The following FURIN variants were observed in gnomAD, a reference collection of about 807,000 sequenced individuals.
The protein encoded by FURIN is FES upstream region.
Under a neutral mutation model 89.2 loss-of-function variants are expected in FURIN, and 18 were observed. That is an observed-to-expected ratio of 0.20 (90% CI 0.14 to 0.30). FURIN has a LOEUF of 0.30. FURIN is among the 10% of genes least tolerant of loss of function. The pLI is 1.00. For synonymous variants in FURIN, 508 were observed against 466.4 expected, an observed-to-expected ratio of 1.09 and a Z score of -1.15; for missense variants, 879 against 1,100.5, an observed-to-expected ratio of 0.80 and a Z score of 2.85.
Position 90,878,883 on chromosome 15 carries a change from C to T in FURIN, c.960C>T (p.Ala320=). 1 of 1,613,140 alleles carries T rather than the reference C, an allele frequency of 6.2e-7. No homozygotes were observed. Among genetic ancestry groups the T allele is most frequent in the Non-Finnish European group, 8.5e-7 (1 of 1,179,810 alleles). Residue 320 remains alanine (A), a synonymous_variant, in exon 9 of 16, where the codon GCC becomes GCT. Transcript: ENST00000268171. The part of the protein sequence containing the change: ...NSIYTLSISS[A]TQFGNVPWYS... Reference sequence around the variant, plus strand: ...TCTACACGCTGTCCATCAGCAGCGCCACGCAGTTTGGCAACGTGCCGTGGT... The same window carrying T: ...TCTACACGCTGTCCATCAGCAGCGCTACGCAGTTTGGCAACGTGCCGTGGT...
At chr15:90,874,233 C>T (rs979349423) in intron 1 of FURIN, among the ~76,000 whole-genome samples, 6 of 152,344 alleles carry the variant, frequency 3.9e-5, no homozygotes, top group South Asian at 2.1e-4. Context: ...AGAGAGGTCC[C>T]GCCGTCTGTT....
In FURIN at chr15:90,879,972, T is replaced by C. The variant is rs775829222; in HGVS notation, c.1364T>C (p.Leu455Pro). Residue 455 changes from leucine to proline, a missense_variant, in exon 12 of 16, where the codon CTC becomes CCC. Coordinates refer to ENST00000268171, the MANE Select transcript of FURIN (RefSeq NM_002569.4). ...APQRKCIIDILTEPKDIGKRL... is the reference protein window; with the variant it reads ...APQRKCIIDIPTEPKDIGKRL... ...CAGCGGAAGTGCATCATCGACATCCTCACCGAGCCCAAGTGAGGGCTGGAC... is the reference window on the plus strand; with the variant it reads ...CAGCGGAAGTGCATCATCGACATCCCCACCGAGCCCAAGTGAGGGCTGGAC... 2 of 1,612,598 alleles carry C rather than the reference T, an allele frequency of 1.2e-6. No homozygotes were observed. Among genetic ancestry groups the C allele is most frequent in the Non-Finnish European group, 8.5e-7 (1 of 1,179,580 alleles).
At chr15:90,871,921 G>A (rs1195288889) in intron 1 of FURIN, among the ~76,000 whole-genome samples, 1 of 151,388 alleles carries the variant, frequency 6.6e-6, no homozygotes, top group East Asian at 2.0e-4. Flanking sequence ...CCCGGCCGTG[G>A]CTGGTACTTT....
chr15:90,876,635 G>A lies in FURIN; in HGVS notation c.372+78G>A. 9.9e-7 allele frequency: 1 copy of A among 1,011,382 alleles called. No homozygotes were observed. The highest frequency in any genetic ancestry group is 1.6e-6 in the Non-Finnish European group (1 of 644,198). 62.7% of individuals were successfully genotyped at this position (1,011,382 alleles called of 1,614,324 possible). ...CACTATGAGCTCTTGGATGGAGGAG[G>A]CTGTCTTCGAGGCCTCCTCTGATTC... is the stretch of plus-strand genomic sequence containing the variant. On this transcript the variant is annotated intron_variant, in intron 4 of 15. Coordinates refer to ENST00000268171, the MANE Select transcript of FURIN (RefSeq NM_002569.4). This position sits in a 1 kb window ranked among gnomAD's most constrained non-coding sequence, Gnocchi z 5.0.
chr15:90,872,268 C>T (rs1254088864), intron 1 of FURIN, among the ~76,000 whole-genome samples: 2 of 152,110 alleles, frequency 1.3e-5, no homozygotes, highest in Non-Finnish European at 2.9e-5. Flanking sequence ...TGGCCGAGGC[C>T]CCTGTGCCCC....
rs1381034451 is a variant in FURIN at position 90,881,868 on chromosome 15, G to T, written c.2375G>T (p.Ser792Ile). Reference protein sequence around the residue: ...GERTAFIKDQSAL With the variant: ...GERTAFIKDQIAL ...AGGACCGCCTTTATCAAAGACCAGA[G>T]CGCCCTCTGATGAGCCCACTGCCCA... The change falls in exon 16 of 16, where the codon AGC becomes ATC. Residue 792 changes from serine (S) to isoleucine (I), a missense_variant. Coordinates refer to ENST00000268171, the MANE Select transcript of FURIN (RefSeq NM_002569.4). This position sits in a 1 kb window ranked among gnomAD's most constrained non-coding sequence, Gnocchi z 4.3. 1 of 1,610,994 alleles carries T rather than the reference G, an allele frequency of 6.2e-7. No individual in the cohort carries two copies. Among genetic ancestry groups the T allele is most frequent in the Admixed American group, 1.7e-5 (1 of 59,832 alleles).
chr15:90,878,334 G>A (rs2031752541), intron 8 of FURIN, 30 bp downstream of exon 8: 9 of 1,534,270 alleles, frequency 5.9e-6, no homozygotes, highest in Non-Finnish European at 7.9e-6. Flanking sequence ...AGCCCCTGCG[G>A]GCAGGTTGGG....
At chr15:90,872,060 GC>G (rs1483302054) in intron 1 of FURIN, among the ~76,000 whole-genome samples, 10 of 151,476 alleles carry the variant, frequency 6.6e-5, no homozygotes, top group Non-Finnish European at 1.5e-4. Flanking sequence ...CGGGGCTGCC[GC>G]CGGCTCGCCC....
Position 90,881,257 on chromosome 15 carries a change from C to T in FURIN, c.1793-29C>T. The stretch of plus-strand genomic sequence containing the variant: ...GGGGCTACAGTCTGTTTAGCTGACA[C>T]ACACTTGCCCTCTCTCCCACGCCGG... On this transcript the variant is annotated intron_variant, in intron 15 of 15. Transcript: ENST00000268171. The surrounding 1 kb of genome is among the most constrained non-coding windows in gnomAD (Gnocchi z 4.3). 1 of 1,522,110 alleles carries T rather than the reference C, an allele frequency of 6.6e-7. No individual in the cohort carries two copies. Among genetic ancestry groups the T allele is most frequent in the Admixed American group, 1.8e-5 (1 of 55,230 alleles). 94.3% of individuals were successfully genotyped at this position (1,522,110 alleles called of 1,614,324 possible). A position where few individuals can be genotyped will look rare whatever the true frequency, so the allele number is the denominator to read the frequency against.
intron 13 of FURIN, 22 bp downstream of exon 13, chr15:90,880,295 G>C (rs555129391): frequency 6.4e-7 from 1 of 1,571,280 alleles, no homozygotes; most frequent in East Asian, 2.3e-5. Context: ...GTCCCTGCCC[G>C]CCCTGCCCAG....
chr15:90,869,908 G>T (rs1050197968), intron 1 of FURIN, among the ~76,000 whole-genome samples: 1 of 152,236 alleles, frequency 6.6e-6, no homozygotes, highest in Admixed American at 6.5e-5. Context: ...AGGAAGAAGC[G>T]TGAGTCACTT....
In FURIN at chr15:90,877,554, G is replaced by T; in HGVS notation, c.606G>T (p.Val202=). 6.3e-7 allele frequency: 1 copy of T among 1,578,838 alleles called. No individual in the cohort carries two copies. The highest frequency in any genetic ancestry group is 8.6e-7 in the Non-Finnish European group (1 of 1,162,296). ...NRHGTRCAGE[V]AAVANNGVCG... ...ACGGCACACGGTGTGCGGGGGAAGT[G>T]GCTGCGGTGGCCAACAACGGTGTCT... is the stretch of plus-strand genomic sequence containing the variant. Residue 202 remains valine, a synonymous_variant, in exon 7 of 16, where the codon GTG becomes GTT. Coordinates refer to ENST00000268171, the MANE Select transcript of FURIN (RefSeq NM_002569.4).
In FURIN at chr15:90,877,599, C is replaced by T. The variant is rs1340273061; in HGVS notation, c.651C>T (p.Tyr217=). 2.5e-6 allele frequency: 4 copies of T among 1,569,508 alleles called. No homozygotes were observed. Among genetic ancestry groups the T allele is most frequent in the Non-Finnish European group, 3.5e-6 (4 of 1,157,030 alleles). Residue 217 remains tyrosine, a synonymous_variant, in exon 7 of 16, where the codon TAC becomes TAT. Transcript: ENST00000268171. ...NNGVCGVGVA[Y]NARIGGVRML... ...GTGTCTGTGGTGTAGGTGTGGCCTACAACGCCCGCATTGGAGGTGAGTGTG... is the reference window on the plus strand; with the variant it reads ...GTGTCTGTGGTGTAGGTGTGGCCTATAACGCCCGCATTGGAGGTGAGTGTG...
rs933676501 is a variant in FURIN at position 90,879,794 on chromosome 15, G to T, written c.1258+20G>T. ...GGAAAGGTGAGGGCAGGCTGGCCCG[G>T]CAGGCTGGATGTGGAGTTAGGTAGA... On this transcript the variant is annotated intron_variant, in intron 11 of 15. Transcript: ENST00000268171. 3 of 1,610,080 alleles carry T rather than the reference G, an allele frequency of 1.9e-6. No homozygotes were observed. Among genetic ancestry groups the T allele is most frequent in the Non-Finnish European group, 1.7e-6 (2 of 1,176,808 alleles).
chr15:90,881,648 G>A lies in FURIN; in HGVS notation c.2155G>A (p.Gly719Ser), dbSNP rs980936752. 16 of 1,586,072 alleles carry A rather than the reference G, an allele frequency of 1.0e-5. No homozygotes were observed. The highest frequency in any genetic ancestry group is 2.3e-5 in the East Asian group (1 of 44,424). ...LPSHLPEVVA[G>S]LSCAFIVLVF... ...CTCACACCTGCCTGAGGTGGTGGCC[G>A]GCCTCAGCTGCGCCTTCATCGTGCT... is the stretch of plus-strand genomic sequence containing the variant. Residue 719 changes from glycine to serine, a missense_variant, in exon 16 of 16, where the codon GGC becomes AGC. Coordinates refer to ENST00000268171, the MANE Select transcript of FURIN (RefSeq NM_002569.4). This position sits in a 1 kb window ranked among gnomAD's most constrained non-coding sequence, Gnocchi z 4.3.
Position 90,880,154 on chromosome 15 carries a change from C to A in FURIN, c.1437C>A (p.Asn479Lys). 1.2e-6 allele frequency: 2 copies of A among 1,612,434 alleles called. No individual in the cohort carries two copies. Among genetic ancestry groups the A allele is most frequent in the Non-Finnish European group, 1.7e-6 (2 of 1,179,460 alleles). ...KTVTACLGEP[N>K]HITRLEHAQA... ...TGACCGCGTGCCTGGGCGAGCCCAA[C>A]CACATCACTCGGCTGGAGCACGCTC... Residue 479 changes from asparagine to lysine, a missense_variant, in exon 13 of 16, where the codon AAC becomes AAA. By Grantham distance (94) the Asn-to-Lys change is moderately conservative (BLOSUM62 0). This residue lies in a region of FURIN where 457 missense variants were observed against 490.7 expected (regional missense o/e 0.93). Transcript: ENST00000268171.
chr15:90,873,639 G>A (rs993126655), intron 1 of FURIN, among the ~76,000 whole-genome samples: 1 of 152,062 alleles, frequency 6.6e-6, no homozygotes, highest in African/African-American at 2.4e-5. Flanking sequence ...TTGGGGTGGG[G>A]GGGGCGGTCC....
intron 9 of FURIN, 27 bp from the exon 10 acceptor site, chr15:90,879,417 G>T: frequency 1.3e-6 from 2 of 1,532,018 alleles, no homozygotes; most frequent in Non-Finnish European, 9.0e-7. Flanking sequence ...CCCATCACAG[G>T]CCCCAATATG....
rs766128687 is a variant in FURIN at position 90,876,322 on chromosome 15, C to T, written c.245C>T (p.Pro82Leu). The T allele has an allele frequency of 8.1e-6, 13 of 1,612,244 alleles. No homozygotes were observed. The East Asian group carries it at 1.1e-4, about 14-fold the overall frequency. ...AAGCGGTCCCTGTCGCCTCACCGCCCGCGGCACAGCCGGCTGCAGAGGGAG... is the reference window on the plus strand; with the variant it reads ...AAGCGGTCCCTGTCGCCTCACCGCCTGCGGCACAGCCGGCTGCAGAGGGAG... Reference protein sequence around the residue: ...VTKRSLSPHRPRHSRLQREPQ... With the variant: ...VTKRSLSPHRLRHSRLQREPQ... The change falls in exon 3 of 16, where the codon CCG (proline) becomes CTG (leucine). Residue 82 changes from proline to leucine, a missense_variant. By Grantham distance (98) the Pro-to-Leu change is moderately conservative. Transcript: ENST00000268171. The surrounding 1 kb of genome is among the most constrained non-coding windows in gnomAD (Gnocchi z 5.0).
Sources: gnomAD v4.1 joint callset for allele counts (sites outside exome capture counted in the v4.1 genomes callset) on GRCh38, gnomAD v4.1.1 for gene constraint, gnomAD v4.1.1 regional missense constraint, Gnocchi (gnomAD v3.1) non-coding constraint, MANE v1.5 for transcripts, NCBI Gene and HGNC (gene_info 2026-07-23, HGNC 2026-07-21) for gene names.